Variants in CASZ1 observed in about 807,000 individuals in gnomAD.
CASZ1 encodes zinc finger protein castor homolog 1.
In CASZ1, 28 loss-of-function variants were observed where a neutral mutation model predicts 135.2. The ratio of observed to expected loss-of-function variants is 0.21; its 90% CI spans 0.15 to 0.28. The LOEUF is 0.28. Among genes scored for constraint, CASZ1 ranks in the 10% least tolerant of loss-of-function variants. The probability of loss-of-function intolerance (pLI) is 1.00; values close to 1 mark genes in which losing one functional copy is unlikely to be tolerated. For synonymous variants in CASZ1, 1,068 were observed against 1,073.4 expected (o/e 0.99, Z 0.10); for missense variants, 2,161 against 2,453.3 (o/e 0.88, Z 2.52).
chr1:10,738,879 AT>A (rs3833535), intron 2 of CASZ1, among the ~76,000 whole-genome samples: 8,033 of 90,462 alleles, frequency 0.089, 522 homozygotes, highest in African/African-American at 0.24. Flanking sequence ...TTAAAATACC[AT>A]TTTTTTTTTC....
At position 10,660,119 on chromosome 1, in the gene CASZ1, C is replaced by T. The variant is rs777039210; in HGVS notation, c.923G>A (p.Arg308Gln). The change falls in exon 6 of 21, where the codon CGG becomes CAG. Residue 308 changes from arginine to glutamine, a missense_variant. Transcript: ENST00000377022. ...GATGAAGAAGTCGTACTTGGAGGCC[C>T]GGGCTACCAGGTTCTGCATCTGGAC... is the stretch of plus-strand genomic sequence containing the variant. ...SSVQMQNLVA[R>Q]ASKYDFFIQK... 1.9e-5 allele frequency: 30 copies of T among 1,614,038 alleles called. No homozygotes were observed. Among genetic ancestry groups the T allele is most frequent in the Admixed American group, 3.3e-5 (2 of 60,012 alleles).
intron 3 of CASZ1, among the ~76,000 whole-genome samples, chr1:10,702,291 G>A (rs1194352255): frequency 6.6e-6 from 1 of 152,170 alleles, no homozygotes; most frequent in Non-Finnish European, 1.5e-5. Context: ...CTTTCAAGGA[G>A]CGCGCCCAGC....
intron 2 of CASZ1, among the ~76,000 whole-genome samples, chr1:10,742,360 C>T (rs1316628392): frequency 6.6e-6 from 1 of 152,142 alleles, no homozygotes; most frequent in Non-Finnish European, 1.5e-5. Context: ...TTTTGTTTTT[C>T]CTCTAAATGG....
At chr1:10,643,665 C>T (rs961940073) in intron 18 of CASZ1, among the ~76,000 whole-genome samples, 1 of 152,236 alleles carries the variant, frequency 6.6e-6, no homozygotes, top group Non-Finnish European at 1.5e-5. Flanking sequence ...CCTGTCCCCA[C>T]ATCTCTGCTG....
At chr1:10,664,525 C>A (rs1441419657) in intron 5 of CASZ1, among the ~76,000 whole-genome samples, 3 of 152,126 alleles carry the variant, frequency 2.0e-5, no homozygotes, top group Non-Finnish European at 2.9e-5. Flanking sequence ...GGCCCTGAGA[C>A]GTCCTGCTGG....
rs139953654 is a variant in CASZ1, at chr1:10,660,078, C to A, written c.964G>T (p.Gly322Cys). The A allele has an allele frequency of 2.5e-6, 4 of 1,614,050 alleles. No homozygotes were observed. In the African/African-American group the frequency reaches 4.0e-5, roughly 16 times the overall value. Residue 322 changes from glycine (G) to cysteine (C), a missense_variant, in exon 6 of 21, where the codon GGC (glycine) becomes TGC (cysteine). This residue lies in a region of CASZ1 where 590 missense variants were observed against 609.8 expected (regional missense o/e 0.97). Coordinates refer to ENST00000377022, the MANE Select transcript of CASZ1 (RefSeq NM_001079843.3). Reference protein sequence around the residue: ...YDFFIQKLKTGENLRPQNGST... With the variant: ...YDFFIQKLKTCENLRPQNGST... The stretch of plus-strand genomic sequence containing the variant: ...CCGTTCTGGGGCCGCAGATTCTCGC[C>A]GGTCTTCAGTTTTTGGATGAAGAAG...
chr1:10,789,375 C>T lies in CASZ1; in HGVS notation c.-234+7189G>A, dbSNP rs115603278. Among the ~76,000 whole-genome samples the T allele has an allele frequency of 4.5e-3, 689 of 151,680 alleles. 5 individuals carry two copies. The highest frequency in any genetic ancestry group is 0.016 in the African/African-American group (642 of 41,356). ...GGCCTCTGCCTGCCCCCCGCACCCCCTCCTCTGCTGGCTCTTTTCTCTGTG... is the reference window on the plus strand; with the variant it reads ...GGCCTCTGCCTGCCCCCCGCACCCCTTCCTCTGCTGGCTCTTTTCTCTGTG... On this transcript the variant is annotated intron_variant, in intron 1 of 20. Transcript: ENST00000377022.
rs913989256 is a variant in CASZ1, at chr1:10,650,628, C to G, written c.2880+64G>C. 35 of 1,360,006 alleles carry G rather than the reference C, an allele frequency of 2.6e-5. 1 individual carries two copies. In the South Asian group the frequency reaches 4.0e-4, roughly 15 times the overall value. The allele number at this position is 1,360,006 out of a possible 1,614,324, so 84.2% of individuals were successfully genotyped here. A position where few individuals can be genotyped will look rare whatever the true frequency, so the allele number is the denominator to read the frequency against. ...TTAAAAAACAAACACATCCCCCCACCCCCCAGCACAGCTTTAATTTCTCTG... is the reference window on the plus strand; with the variant it reads ...TTAAAAAACAAACACATCCCCCCACGCCCCAGCACAGCTTTAATTTCTCTG... On this transcript the variant is annotated intron_variant, in intron 13 of 20. Coordinates refer to ENST00000377022, the MANE Select transcript of CASZ1 (RefSeq NM_001079843.3).
At chr1:10,781,095 C>T (rs925783890) in intron 1 of CASZ1, among the ~76,000 whole-genome samples, 1 of 152,234 alleles carries the variant, frequency 6.6e-6, no homozygotes, top group Admixed American at 6.5e-5. Flanking sequence ...TCGCCCCACC[C>T]CAACAAACCC....
intron 5 of CASZ1, 45 bp downstream of exon 5, chr1:10,665,038 T>G (rs766517257): frequency 6.1e-6 from 9 of 1,486,774 alleles, no homozygotes; most frequent in Non-Finnish European, 8.0e-6. Context: ...CCCACTGGCC[T>G]CCCTGTCCTG....
In CASZ1 at chr1:10,709,440, G is replaced by A. The variant is rs905540753; in HGVS notation, c.-76-3896C>T. ...GCGTCATGGAAACGGGCACTTTCCC[G>A]GAGAAATATTCTGTTTGGCCTCCTT... On this transcript the variant is annotated intron_variant, in intron 2 of 20. Transcript: ENST00000377022. This position sits in a 1 kb window ranked among gnomAD's most constrained non-coding sequence, Gnocchi z 5.1. Among the ~76,000 whole-genome samples, 3 of 152,188 alleles carry A rather than the reference G, an allele frequency of 2.0e-5. No homozygotes were observed. The highest frequency in any genetic ancestry group is 4.1e-4 in the South Asian group (2 of 4,834).
chr1:10,648,286 C>A, intron 15 of CASZ1, 147 bp from the exon 16 acceptor site: 1 of 620,228 alleles, frequency 1.6e-6, no homozygotes, highest in Non-Finnish European at 2.7e-6. Flanking sequence ...TGTGACCCCA[C>A]CAGGACAGAA....
rs140215862 is a variant in CASZ1 at position 10,640,031 on chromosome 1, C to G, written c.4191G>C (p.Ser1397=). ...AGNTISMPTA[S]GAKKRFWIIE... is the part of the protein sequence containing the mutation. ...TGATCCAGAAGCGCTTTTTGGCCCC[C>G]GAGGCTGTCGGCATAGAGATGGTGT... Residue 1397 remains serine (S), a synonymous_variant, in exon 21 of 21, where the codon TCG becomes TCC. Coordinates refer to ENST00000377022, the MANE Select transcript of CASZ1 (RefSeq NM_001079843.3). 5.0e-6 allele frequency: 8 copies of G among 1,609,526 alleles called. No individual in the cohort carries two copies. Among genetic ancestry groups the G allele is most frequent in the Non-Finnish European group, 5.1e-6 (6 of 1,179,630 alleles).
chr1:10,758,364 C>T (rs1473948782), intron 2 of CASZ1, among the ~76,000 whole-genome samples: 1 of 141,594 alleles, frequency 7.1e-6, no homozygotes, highest in African/African-American at 2.7e-5. Context: ...CAGAGTCTTG[C>T]TCTGTCGCCC....
At position 10,653,554 on chromosome 1, in the gene CASZ1, C is replaced by A; in HGVS notation, c.2503G>T (p.Asp835Tyr). The A allele has an allele frequency of 6.3e-7, 1 of 1,585,740 alleles. No homozygotes were observed. The highest frequency in any genetic ancestry group is 1.2e-5 in the South Asian group (1 of 86,684). Residue 835 changes from aspartate to tyrosine, a missense_variant, in exon 11 of 21, where the codon GAC (aspartate) becomes TAC (tyrosine). This residue lies in a region of CASZ1 where 406 missense variants were observed against 387.6 expected (regional missense o/e 1.05). Coordinates refer to ENST00000377022, the MANE Select transcript of CASZ1 (RefSeq NM_001079843.3). ...CCCGAGGCGACCAGCGTGGGTGTGT[C>A]AGGGGTGGCTGAGGCTGCTGACCCA... ...SSGSAASATPDTPTLVASGAG... is the reference protein window; with the variant it reads ...SSGSAASATPYTPTLVASGAG...
chr1:10,748,502 CAG>C, intron 2 of CASZ1, among the ~76,000 whole-genome samples: 1 of 152,318 alleles, frequency 6.6e-6, no homozygotes, highest in South Asian at 2.1e-4. Flanking sequence ...GCCCATTTTA[CAG>C]AGGAGTACAA....
intron 13 of CASZ1, chr1:10,649,912 A>T (rs1156542178): frequency 6.8e-6 from 1 of 146,276 alleles, no homozygotes; most frequent in Non-Finnish European, 1.5e-5. Context: ...AGACCCAGAC[A>T]GGCTTGCTGC....
rs976282149 is a variant in CASZ1 at position 10,699,393 on chromosome 1, T to C, written c.-23-5481A>G. ...AACCCCCACATCCCACTTACCCTGC[T>C]CTAAAAGGTGCTCTCAGAGTCAGTA... On this transcript the variant is annotated intron_variant, in intron 3 of 20. Coordinates refer to ENST00000377022, the MANE Select transcript of CASZ1 (RefSeq NM_001079843.3). The surrounding 1 kb of genome is among the most constrained non-coding windows in gnomAD (Gnocchi z 4.6). Among the ~76,000 whole-genome samples the C allele has an allele frequency of 6.6e-6, 1 of 152,080 alleles. No homozygotes were observed. Among genetic ancestry groups the C allele is most frequent in the Non-Finnish European group, 1.5e-5 (1 of 68,022 alleles).
chr1:10,651,086 A>G lies in CASZ1; in HGVS notation c.2681-10T>C. On this transcript the variant is annotated splice_polypyrimidine_tract_variant and intron_variant, in intron 11 of 20. Transcript: ENST00000377022. The stretch of plus-strand genomic sequence containing the variant: ...ACCTGCTGCCCGCTTCCTGCAGGGG[A>G]GGGGTGGGAAGATGCGTCAGAGGGG... 6.7e-7 allele frequency: 1 copy of G among 1,495,056 alleles called. No individual in the cohort carries two copies. Among genetic ancestry groups the G allele is most frequent in the Non-Finnish European group, 8.8e-7 (1 of 1,132,246 alleles). The allele number at this position is 1,495,056 out of a possible 1,614,324, so 92.6% of individuals were successfully genotyped here.
Sources: gnomAD v4.1 joint callset for allele counts (sites outside exome capture counted in the v4.1 genomes callset) on GRCh38, gnomAD v4.1.1 for gene constraint, gnomAD v4.1.1 regional missense constraint, Gnocchi (gnomAD v3.1) non-coding constraint, MANE v1.5 for transcripts, NCBI Gene and HGNC (gene_info 2026-07-23, HGNC 2026-07-21) for gene names.